MAL2: variants seen among roughly 807,000 people sequenced by gnomAD.
MAL2 encodes the protein protein MAL2.
A neutral mutation model predicts 18.1 loss-of-function variants in MAL2; 17 were observed. The ratio of observed to expected loss-of-function variants is 0.94; its 90% CI spans 0.64 to 1.41. The LOEUF is 1.41. Among genes scored for constraint, MAL2 ranks in the 40% most tolerant of loss-of-function variants. The probability of loss-of-function intolerance (pLI) is 0.00; values close to 1 mark genes in which losing one functional copy is unlikely to be tolerated. For synonymous variants in MAL2, 102 were observed against 102.3 expected (o/e 1.00, Z 0.02); for missense variants, 222 against 231.9 (o/e 0.96, Z 0.28).
chr8:119,220,258 G>C (rs1232773867), intron 1 of MAL2, among the ~76,000 whole-genome samples: 1 of 152,158 alleles, frequency 6.6e-6, no homozygotes, highest in African/African-American at 2.4e-5. Flanking sequence ...TCCCACATCT[G>C]ATCAGTTACC....
chr8:119,224,487 C>T (rs1817540036), intron 2 of MAL2, among the ~76,000 whole-genome samples: 1 of 152,148 alleles, frequency 6.6e-6, no homozygotes, highest in South Asian at 2.1e-4. Flanking sequence ...GTATAACTGG[C>T]ACACATTTGA....
chr8:119,242,084 T>C (rs893880416), intron 3 of MAL2, among the ~76,000 whole-genome samples: 2 of 152,216 alleles, frequency 1.3e-5, no homozygotes, highest in Non-Finnish European at 2.9e-5. Context: ...TGTTTCTTAC[T>C]TCCAGTCCCT....
intron 2 of MAL2, among the ~76,000 whole-genome samples, chr8:119,226,869 G>GCTAAC (rs1470549563): frequency 6.6e-6 from 1 of 152,204 alleles, no homozygotes; most frequent in Non-Finnish European, 1.5e-5. Flanking sequence ...TCTGATGCAG[G>GCTAAC]CTAACATTTG....
chr8:119,231,821 A>G (rs1184834638), intron 2 of MAL2, among the ~76,000 whole-genome samples: 2 of 152,108 alleles, frequency 1.3e-5, no homozygotes, highest in Non-Finnish European at 2.9e-5. Context: ...AGGCACGGAA[A>G]GACCAATACC....
intron 1 of MAL2, among the ~76,000 whole-genome samples, chr8:119,211,630 C>A (rs572052962): frequency 1.7e-3 from 254 of 151,420 alleles, no homozygotes; most frequent in Non-Finnish European, 2.8e-3. Flanking sequence ...AGCCTACGAG[C>A]ACCAGGAAAA....
chr8:119,225,807 C>A (rs1254493217), intron 2 of MAL2, among the ~76,000 whole-genome samples: 1 of 152,140 alleles, frequency 6.6e-6, no homozygotes, highest in Non-Finnish European at 1.5e-5. Context: ...TTAATGATTG[C>A]CATTCTAACT....
intron 1 of MAL2, among the ~76,000 whole-genome samples, chr8:119,212,250 A>G (rs1276362834): frequency 6.6e-6 from 1 of 152,242 alleles, no homozygotes; most frequent in Non-Finnish European, 1.5e-5. Context: ...AATAGTATTA[A>G]TCACGAAAAA....
chr8:119,230,364 C>T (rs931589363), intron 2 of MAL2, among the ~76,000 whole-genome samples: 2 of 150,074 alleles, frequency 1.3e-5, no homozygotes, highest in Admixed American at 1.3e-4. Context: ...TAGGATTGGA[C>T]AGGAAAGCCT....
At position 119,225,368 on chromosome 8, in the gene MAL2, GTGTT is replaced by G. The variant is rs527916731; in HGVS notation, c.303+3618_303+3621del. On this transcript the variant is annotated intron_variant, in intron 2 of 3. Transcript: ENST00000614891. ...TCCCATCTATGAGTGAGAACATGCA[GTGTT>G]TGTTTGGTTTTTTGTCCTTGTGATA... Among the ~76,000 whole-genome samples, 1,100 of 152,082 alleles carry G rather than the reference GTGTT, an allele frequency of 7.2e-3. 19 individuals are homozygous for G. Among genetic ancestry groups the G allele is most frequent in the African/African-American group, 0.025 (1,021 of 41,470 alleles).
chr8:119,235,498 A>G lies in MAL2; in HGVS notation c.304-4667A>G, dbSNP rs1392439634. Among the ~76,000 whole-genome samples the G allele has an allele frequency of 6.6e-5, 10 of 151,892 alleles. No individual in the cohort carries two copies. The East Asian group carries it at 1.4e-3, about 21-fold the overall frequency. Reference sequence around the variant, plus strand: ...AGCAACTCCAAGACACATAATTGCCAGATTCACCAAAGTTGAAATGAAGGA... The same window carrying G: ...AGCAACTCCAAGACACATAATTGCCGGATTCACCAAAGTTGAAATGAAGGA... On this transcript the variant is annotated intron_variant, in intron 2 of 3. Transcript: ENST00000614891.
Position 119,221,664 on chromosome 8 carries a change from T to C in MAL2, c.210T>C (p.Phe70=). 6.2e-7 allele frequency: 1 copy of C among 1,614,004 alleles called. No individual in the cohort carries two copies. Residue 70 remains phenylalanine (F), a synonymous_variant, in exon 2 of 4, where the codon TTT becomes TTC. Transcript: ENST00000614891. ...PLPLLQGWVM[F]VSVTAFFFSL... is the part of the protein sequence containing the mutation. ...CTCTACTACAAGGATGGGTCATGTT[T>C]GTGTCCGTGACAGCGTTTTTCTTTT...
intron 1 of MAL2, chr8:119,215,491 G>A (rs1817337259): frequency 6.6e-6 from 1 of 152,190 alleles, no homozygotes. Flanking sequence ...CAATGTCACC[G>A]ACTCTGACGT....
At chr8:119,225,981 A>G (rs1445572331) in intron 2 of MAL2, among the ~76,000 whole-genome samples, 2 of 151,434 alleles carry the variant, frequency 1.3e-5, no homozygotes, top group Admixed American at 1.3e-4. Context: ...TTTTCTTGTG[A>G]ATTTGTTTGA....
chr8:119,221,520 C>T, intron 1 of MAL2, 67 bp from the exon 2 acceptor site: 1 of 1,575,340 alleles, frequency 6.3e-7, no homozygotes, highest in South Asian at 1.1e-5. Context: ...GTAATACAAG[C>T]ATGTTTAATT....
At chr8:119,242,626 A>G (rs942647569) in intron 3 of MAL2, among the ~76,000 whole-genome samples, 1 of 152,200 alleles carries the variant, frequency 6.6e-6, no homozygotes, top group Admixed American at 6.5e-5. Context: ...AAGGGTGGAA[A>G]GAAAAGCAGA....
At chr8:119,231,220 G>C (rs1229649043) in intron 2 of MAL2, among the ~76,000 whole-genome samples, 1 of 152,092 alleles carries the variant, frequency 6.6e-6, no homozygotes, top group Non-Finnish European at 1.5e-5. Context: ...TTTTAGTAGA[G>C]ACAGGGTTTC....
intron 2 of MAL2, among the ~76,000 whole-genome samples, chr8:119,234,217 G>T (rs1817815638): frequency 6.6e-6 from 1 of 152,092 alleles, no homozygotes; most frequent in African/African-American, 2.4e-5. Context: ...GGGAAAATCG[G>T]GTCACTCCCA....
chr8:119,242,060 T>C (rs999906311), intron 3 of MAL2, among the ~76,000 whole-genome samples: 3 of 152,238 alleles, frequency 2.0e-5, no homozygotes, highest in Non-Finnish European at 2.9e-5. Context: ...ATTCCCATTG[T>C]ATTTGCCTTT....
chr8:119,236,844 A>G (rs1348845383), intron 2 of MAL2, among the ~76,000 whole-genome samples: 7 of 151,470 alleles, frequency 4.6e-5, no homozygotes, highest in Non-Finnish European at 1.0e-4. Context: ...AAAGCAGGAA[A>G]GATCCAAAAT....
Sources: allele counts gnomAD v4.1 joint callset (sites outside exome capture counted in the v4.1 genomes callset), GRCh38; gene constraint gnomAD v4.1.1; transcripts MANE v1.5; gene names NCBI Gene and HGNC (gene_info 2026-07-23, HGNC 2026-07-21).